The following TENM3 variants were observed in gnomAD, a reference collection of about 807,000 sequenced individuals.
TENM3 encodes the protein teneurin transmembrane protein 3.
A neutral mutation model predicts 255.1 loss-of-function variants in TENM3; 63 were observed. The observed-to-expected ratio is 0.25, with a 90% confidence interval of 0.20 to 0.30. The LOEUF is 0.30. TENM3 is among the 10% of genes least tolerant of loss of function. The pLI, the probability that TENM3 is intolerant of heterozygous loss-of-function variation, is 1.00. For synonymous variants in TENM3, 1,306 were observed against 1,322.3 expected (o/e 0.99, Z 0.27); for missense variants, 2,929 against 3,461.1 (o/e 0.85, Z 3.86).
the TENM3 span, among the ~76,000 whole-genome samples, chr4:181,925,737 C>G: frequency 2.0e-5 from 3 of 152,276 alleles, no homozygotes; most frequent in South Asian, 2.1e-4. Flanking sequence ...TTTGGCAAAG[C>G]AACACATCCA....
At chr4:182,046,491 G>T in the TENM3 span, among the ~76,000 whole-genome samples, 1 of 151,640 alleles carries the variant, frequency 6.6e-6, no homozygotes, top group Admixed American at 6.6e-5. Flanking sequence ...ATCACTTGAG[G>T]TCAGGAGTCT....
chr4:181,695,116 T>C, the TENM3 span, among the ~76,000 whole-genome samples: 1 of 152,214 alleles, frequency 6.6e-6, no homozygotes, highest in African/African-American at 2.4e-5. Flanking sequence ...TTGACTATTT[T>C]CAACATCCTA....
chr4:181,929,775 T>C, the TENM3 span, among the ~76,000 whole-genome samples: 1 of 152,134 alleles, frequency 6.6e-6, no homozygotes, highest in Non-Finnish European at 1.5e-5. Flanking sequence ...AACCACATAA[T>C]AGGAGGTAAA....
intron 24 of TENM3, among the ~76,000 whole-genome samples, chr4:182,781,238 C>T (rs1204204029): frequency 6.7e-6 from 1 of 149,608 alleles, no homozygotes; most frequent in Non-Finnish European, 1.5e-5. Context: ...CCCATCAATA[C>T]CTAATTTATT....
At chr4:181,711,286 G>T in the TENM3 span, among the ~76,000 whole-genome samples, 2 of 152,048 alleles carry the variant, frequency 1.3e-5, no homozygotes, top group African/African-American at 2.4e-5. Context: ...ACCATCATTT[G>T]GTCAATAAAT....
chr4:181,888,508 ATATATATG>A, the TENM3 span, among the ~76,000 whole-genome samples: 90 of 30,682 alleles, frequency 2.9e-3, 3 homozygotes, highest in South Asian at 7.0e-3. Context: ...ATATATATAT[ATATATATG>A]TATATATATA....
chr4:182,461,561 T>C (rs1053978154), intron 3 of TENM3, among the ~76,000 whole-genome samples: 5 of 152,086 alleles, frequency 3.3e-5, no homozygotes, highest in African/African-American at 1.2e-4. Flanking sequence ...TACGGTGTGT[T>C]TGGGGGAAGA....
chr4:182,594,095 A>G lies in TENM3; in HGVS notation c.512-6829A>G, dbSNP rs1057332941. 4.6e-5 allele frequency among the ~76,000 whole-genome samples: 7 copies of G among 152,282 alleles called. No homozygotes were observed. In the East Asian group the frequency reaches 1.4e-3, roughly 29 times the overall value. Reference sequence around the variant, plus strand: ...GGTGACTAGGCCGAACTTCATGACTATGAGATCAAATTCCTTCCTGTGTGA... The same window carrying G: ...GGTGACTAGGCCGAACTTCATGACTGTGAGATCAAATTCCTTCCTGTGTGA... On this transcript the variant is annotated intron_variant, in intron 3 of 27. Coordinates refer to ENST00000511685, the MANE Select transcript of TENM3 (RefSeq NM_001080477.4).
At chr4:182,151,595 C>T (rs900096691) in intron 1 of TENM3, among the ~76,000 whole-genome samples, 1 of 151,876 alleles carries the variant, frequency 6.6e-6, no homozygotes, top group Admixed American at 6.6e-5. Context: ...ATAATAACTT[C>T]CAGCTAAAGA....
At chr4:182,560,677 G>T (rs561487670) in intron 3 of TENM3, among the ~76,000 whole-genome samples, 17 of 152,282 alleles carry the variant, frequency 1.1e-4, no homozygotes, top group Non-Finnish European at 2.2e-4. Flanking sequence ...TCTGTTTCAT[G>T]CTGCTTCTCC....
At chr4:182,269,523 A>G (rs1561265048) in intron 1 of TENM3, among the ~76,000 whole-genome samples, 1 of 152,106 alleles carries the variant, frequency 6.6e-6, no homozygotes, top group Admixed American at 6.6e-5. Flanking sequence ...ACAAGGAATC[A>G]GCCCCTCCCT....
At chr4:182,680,217 A>G in intron 8 of TENM3, 31 bp from the exon 9 acceptor site, 1 of 1,494,644 alleles carries the variant, frequency 6.7e-7, no homozygotes, top group Non-Finnish European at 9.3e-7. Context: ...CAGGCTATAC[A>G]ACAAGTGTTC....
the TENM3 span, among the ~76,000 whole-genome samples, chr4:181,809,494 C>T: frequency 6.6e-6 from 1 of 152,038 alleles, no homozygotes; most frequent in African/African-American, 2.4e-5. Flanking sequence ...CGTGTATTGC[C>T]CTGACCTACT....
the TENM3 span, among the ~76,000 whole-genome samples, chr4:181,977,373 G>A: frequency 1.3e-5 from 2 of 152,320 alleles, no homozygotes; most frequent in East Asian, 3.9e-4. Flanking sequence ...CTCCTAAGAA[G>A]CAGAAATAGG....
At chr4:182,605,642 A>G (rs62339121) in intron 4 of TENM3, among the ~76,000 whole-genome samples, 4,117 of 152,330 alleles carry the variant, frequency 0.027, 74 homozygotes, top group Non-Finnish European at 0.042. Context: ...GAGAATGGGA[A>G]GAAACATGAA....
At chr4:181,767,972 T>C in the TENM3 span, among the ~76,000 whole-genome samples, 2 of 152,110 alleles carry the variant, frequency 1.3e-5, no homozygotes, top group Non-Finnish European at 1.5e-5. Flanking sequence ...TTTAAATTAA[T>C]GCATATTGAC....
chr4:181,550,760 A>G, the TENM3 span, among the ~76,000 whole-genome samples: 27,688 of 152,088 alleles, frequency 0.18, 3,205 homozygotes, highest in African/African-American at 0.32. Flanking sequence ...TTATTACTCT[A>G]GTTTTATAGC....
chr4:182,073,695 A>C, the TENM3 span, among the ~76,000 whole-genome samples: 1 of 152,164 alleles, frequency 6.6e-6, no homozygotes, highest in African/African-American at 2.4e-5. Flanking sequence ...CCGAAGTCAA[A>C]ATCCACACTT....
the TENM3 span, among the ~76,000 whole-genome samples, chr4:181,878,092 T>C: frequency 6.6e-6 from 1 of 152,156 alleles, no homozygotes; most frequent in Admixed American, 6.6e-5. Context: ...TATTGTTCAG[T>C]CCTTAGGAAG....
Sources: allele counts gnomAD v4.1 joint callset (sites outside exome capture counted in the v4.1 genomes callset), GRCh38; gene constraint gnomAD v4.1.1; transcripts MANE v1.5; gene names NCBI Gene and HGNC (gene_info 2026-07-23, HGNC 2026-07-21).